HLTF: variants seen among roughly 807,000 people sequenced by gnomAD.
HLTF encodes the protein DNA-dependent ATPase/E3 ubiquitin-protein ligase HLTF.
In HLTF, 127 loss-of-function variants were observed where a neutral mutation model predicts 129.4. That is an observed-to-expected ratio of 0.98 (90% confidence interval 0.85 to 1.14). HLTF has a LOEUF of 1.14. Ranked by LOEUF, HLTF falls within the 50% of genes most tolerant of loss-of-function variation. The pLI is 0.00. For missense variants in HLTF, 1,139 were observed against 1,187.1 expected (o/e 0.96, Z 0.60); for synonymous variants, 332 against 388.8 (o/e 0.85, Z 1.72).
In HLTF at chr3:149,071,604, G is replaced by C; in HGVS notation, c.681C>G (p.Thr227=). ...ATACCTCAGCTGGTTCCATTTCATG[G>C]GTTTTATCATCTTCTTTTAAATCTT... ...LFEDLKEDDK[T]HEMEPAEAIE... Residue 227 remains threonine (T), a synonymous_variant, in exon 6 of 25, where the codon ACC becomes ACG. Coordinates refer to ENST00000310053, the MANE Select transcript of HLTF (RefSeq NM_003071.4). The C allele has an allele frequency of 7.5e-6, 12 of 1,596,794 alleles. No homozygotes were observed. Among genetic ancestry groups the C allele is most frequent in the Non-Finnish European group, 1.0e-5 (12 of 1,167,284 alleles).
intron 15 of HLTF, among the ~76,000 whole-genome samples, chr3:149,049,879 C>A (rs1716836950): frequency 6.6e-6 from 1 of 151,934 alleles, no homozygotes; most frequent in South Asian, 2.1e-4. Flanking sequence ...GTAATCCCAG[C>A]TACTTGGGAG....
intron 24 of HLTF, among the ~76,000 whole-genome samples, chr3:149,033,824 C>A (rs1715342334): frequency 6.6e-6 from 1 of 152,010 alleles, no homozygotes; most frequent in Non-Finnish European, 1.5e-5. Flanking sequence ...AGCCTTCTGT[C>A]CTAGGTAAGA....
At chr3:149,060,988 T>C (rs1717894368) in intron 10 of HLTF, 130 bp from the exon 11 acceptor site, 1 of 642,046 alleles carries the variant, frequency 1.6e-6, no homozygotes, top group Non-Finnish European at 2.7e-6. Context: ...TTTTTAAAGA[T>C]TTTGACAAAT....
At chr3:149,043,559 A>AC (rs1462150344) in intron 18 of HLTF, among the ~76,000 whole-genome samples, 1 of 150,568 alleles carries the variant, frequency 6.6e-6, no homozygotes, top group African/African-American at 2.4e-5. Flanking sequence ...AAAAAAAAAA[A>AC]AAAAAAAAAA....
intron 2 of HLTF, among the ~76,000 whole-genome samples, chr3:149,078,714 G>A (rs893808790): frequency 2.0e-4 from 30 of 151,630 alleles, no homozygotes; most frequent in South Asian, 4.2e-4. Context: ...AAAATTAGCC[G>A]GGCGAGGTGG....
chr3:149,082,806 T>A (rs1719987743), intron 2 of HLTF, among the ~76,000 whole-genome samples: 1 of 152,246 alleles, frequency 6.6e-6, no homozygotes, highest in Non-Finnish European at 1.5e-5. Context: ...ATGATATTCC[T>A]AATCACATTA....
At position 149,073,333 on chromosome 3, in the gene HLTF, C is replaced by A; in HGVS notation, c.530-11G>T. 1 of 1,563,968 alleles carries A rather than the reference C, an allele frequency of 6.4e-7. No homozygotes were observed. Among genetic ancestry groups the A allele is most frequent in the Non-Finnish European group, 8.8e-7 (1 of 1,141,976 alleles). On this transcript the variant is annotated splice_polypyrimidine_tract_variant and intron_variant, in intron 4 of 24. Coordinates refer to ENST00000310053, the MANE Select transcript of HLTF (RefSeq NM_003071.4). ...AATTGAATCCTAAAGCTATAATTTA[C>A]AAAATAAAAAGAATAAAGCCATCAA...
chr3:149,050,403 C>A, intron 14 of HLTF, 28 bp from the exon 15 acceptor site: 1 of 1,493,480 alleles, frequency 6.7e-7, no homozygotes, highest in Non-Finnish European at 9.1e-7. Context: ...ATATTTTTAA[C>A]AATGAGCAGA....
intron 2 of HLTF, among the ~76,000 whole-genome samples, chr3:149,077,153 C>G (rs1373956541): frequency 3.9e-5 from 6 of 151,976 alleles, no homozygotes. Flanking sequence ...GAGGCTGAGG[C>G]AGGAGAACCA....
At chr3:149,049,068 T>TAAC in intron 15 of HLTF, 67 bp from the exon 16 acceptor site, 1 of 1,062,950 alleles carries the variant, frequency 9.4e-7, no homozygotes, top group Non-Finnish European at 1.4e-6. Context: ...TATGATTTGC[T>TAAC]AACTAGTTGT....
chr3:149,069,489 A>G (rs1718675186), intron 7 of HLTF, among the ~76,000 whole-genome samples: 1 of 142,326 alleles, frequency 7.0e-6, no homozygotes, highest in Non-Finnish European at 1.5e-5. Flanking sequence ...AAAAAAAAAG[A>G]AGAAGAATGT....
intron 2 of HLTF, among the ~76,000 whole-genome samples, chr3:149,081,190 AATAAACCACATT>A: frequency 6.6e-6 from 1 of 152,220 alleles, no homozygotes; most frequent in South Asian, 2.1e-4. Context: ...TAGAAAAAGA[AATAAACCACATT>A]ATAAAATAAA....
chr3:149,044,978 T>C (rs1716419492), intron 18 of HLTF, among the ~76,000 whole-genome samples: 1 of 152,170 alleles, frequency 6.6e-6, no homozygotes, highest in Admixed American at 6.6e-5. Flanking sequence ...GCCAGAGTGA[T>C]CTTTTAAAAA....
chr3:149,045,728 A>G (rs1380466916), intron 18 of HLTF, among the ~76,000 whole-genome samples: 1 of 152,168 alleles, frequency 6.6e-6, no homozygotes, highest in East Asian at 1.9e-4. Flanking sequence ...AGAATTTCAT[A>G]CCTTCTACCA....
intron 7 of HLTF, among the ~76,000 whole-genome samples, chr3:149,068,547 A>G (rs956774733): frequency 6.6e-6 from 1 of 152,216 alleles, no homozygotes; most frequent in East Asian, 1.9e-4. Context: ...TTTACACTAT[A>G]AAATACTACA....
chr3:149,060,897 C>A, intron 10 of HLTF, 39 bp from the exon 11 acceptor site: 1 of 1,366,124 alleles, frequency 7.3e-7, no homozygotes, highest in Non-Finnish European at 1.0e-6. Flanking sequence ...TTGGACCAAC[C>A]CAAAGCAAAA....
rs894409355 is a variant in HLTF at position 149,058,262 on chromosome 3, C to A, written c.1375+1456G>T. Among the ~76,000 whole-genome samples the A allele has an allele frequency of 2.6e-5, 4 of 152,028 alleles. 1 individual carries two copies. The highest frequency in any genetic ancestry group is 9.7e-5 in the African/African-American group (4 of 41,382). ...AATTTTGTGTATTTTTTTGTAGAAA[C>A]AGGATTTTGCCATGTTGCCCACCCC... On this transcript the variant is annotated intron_variant, in intron 13 of 24. Transcript: ENST00000310053.
At chr3:149,045,681 C>T (rs890041900) in intron 18 of HLTF, among the ~76,000 whole-genome samples, 1 of 152,090 alleles carries the variant, frequency 6.6e-6, no homozygotes, top group African/African-American at 2.4e-5. Context: ...CATTCTGTTC[C>T]CTGTGGGCTC....
intron 14 of HLTF, among the ~76,000 whole-genome samples, chr3:149,052,910 C>T (rs1253266550): frequency 6.6e-6 from 1 of 152,078 alleles, no homozygotes; most frequent in Non-Finnish European, 1.5e-5. Flanking sequence ...ATAGTTACTC[C>T]ATCTCTAGAC....
Sources: gnomAD v4.1 joint callset for allele counts (sites outside exome capture counted in the v4.1 genomes callset) on GRCh38, gnomAD v4.1.1 for gene constraint, MANE v1.5 for transcripts, NCBI Gene and HGNC (gene_info 2026-07-23, HGNC 2026-07-21) for gene names.